THSD4: variants seen among roughly 807,000 people sequenced by gnomAD.
THSD4 encodes thrombospondin type 1 domain containing 4.
Under a neutral mutation model 119.0 loss-of-function variants are expected in THSD4, and 69 were observed. The observed-to-expected ratio is 0.58, with a 90% confidence interval of 0.48 to 0.71. THSD4 has a LOEUF of 0.71. THSD4 is among the 30% of genes least tolerant of loss of function. The pLI, the probability that THSD4 is intolerant of heterozygous loss-of-function variation, is 0.00. For missense variants in THSD4, 1,393 were observed against 1,391.1 expected (o/e 1.00, Z -0.02); for synonymous variants, 524 against 540.4 (o/e 0.97, Z 0.42).
chr15:71,568,213 G>C (rs745744216), intron 7 of THSD4, among the ~76,000 whole-genome samples: 3 of 152,096 alleles, frequency 2.0e-5, no homozygotes, highest in Non-Finnish European at 2.9e-5. Flanking sequence ...TGAAGGCCCT[G>C]ACTGCATGGG....
At chr15:71,223,129 G>T (rs1008777164) in intron 4 of THSD4, among the ~76,000 whole-genome samples, 1 of 152,094 alleles carries the variant, frequency 6.6e-6, no homozygotes, top group Middle Eastern at 3.2e-3. Flanking sequence ...GCATTTTATC[G>T]TGTCTTCATT....
chr15:71,742,907 C>T (rs939475975), intron 11 of THSD4, among the ~76,000 whole-genome samples: 1 of 152,030 alleles, frequency 6.6e-6, no homozygotes, highest in African/African-American at 2.4e-5. Flanking sequence ...ATACAAAAAT[C>T]AGCCAGGCGC....
chr15:71,726,602 A>T (rs900208961), intron 8 of THSD4, among the ~76,000 whole-genome samples: 1 of 152,200 alleles, frequency 6.6e-6, no homozygotes, highest in Non-Finnish European at 1.5e-5. Context: ...AGGTGCAAAG[A>T]GCCAGTGGCC....
intron 7 of THSD4, among the ~76,000 whole-genome samples, chr15:71,632,759 C>A (rs925654113): frequency 6.6e-6 from 1 of 152,182 alleles, no homozygotes; most frequent in Admixed American, 6.5e-5. Flanking sequence ...TGATTAACTT[C>A]TTTTCTGCAT....
chr15:71,511,219 G>C (rs2048279093), intron 7 of THSD4, among the ~76,000 whole-genome samples: 1 of 152,194 alleles, frequency 6.6e-6, no homozygotes, highest in South Asian at 2.1e-4. Context: ...TGTGGAACTG[G>C]TAACCAAGTT....
chr15:71,775,251 G>T (rs566777501), intron 17 of THSD4, among the ~76,000 whole-genome samples: 19 of 152,212 alleles, frequency 1.2e-4, no homozygotes, highest in Non-Finnish European at 8.8e-5. Context: ...CAAAAAAGAA[G>T]ATGGTAGATA....
At chr15:71,387,324 G>C (rs2046307092) in intron 6 of THSD4, among the ~76,000 whole-genome samples, 1 of 152,048 alleles carries the variant, frequency 6.6e-6, no homozygotes, top group Non-Finnish European at 1.5e-5. Flanking sequence ...GCTGTGATTT[G>C]GTGATTCTCT....
chr15:71,747,104 C>T lies in THSD4; in HGVS notation c.2241+62C>T, dbSNP rs1286651269. ...TCCAGCTCCCACCACACTTTCCAGC[C>T]TCCCCCACCAAGACCTGAGATGGGT... is the stretch of plus-strand genomic sequence containing the variant. On this transcript the variant is annotated intron_variant, in intron 13 of 17. Coordinates refer to ENST00000261862, the MANE Select transcript of THSD4 (RefSeq NM_024817.3). The T allele has an allele frequency of 3.3e-6, 5 of 1,522,028 alleles. No individual in the cohort carries two copies. The African/African-American group carries it at 4.1e-5, about 13-fold the overall frequency. 94.3% of individuals were successfully genotyped at this position (1,522,028 alleles called of 1,614,324 possible). A position where few individuals can be genotyped will look rare whatever the true frequency, so the allele number is the denominator to read the frequency against.
intron 7 of THSD4, among the ~76,000 whole-genome samples, chr15:71,650,409 A>G (rs953249275): frequency 2.0e-5 from 3 of 152,170 alleles, no homozygotes; most frequent in African/African-American, 7.2e-5. Flanking sequence ...GAAGCGGTGC[A>G]AGACTTCTAA....
intron 7 of THSD4, among the ~76,000 whole-genome samples, chr15:71,478,483 A>G (rs894834454): frequency 6.6e-6 from 1 of 152,246 alleles, no homozygotes; most frequent in Non-Finnish European, 1.5e-5. Flanking sequence ...GCAACTTTTT[A>G]TAGACAACCC....
intron 17 of THSD4, among the ~76,000 whole-genome samples, chr15:71,775,032 G>C (rs528160492): frequency 1.3e-5 from 2 of 152,134 alleles, no homozygotes; most frequent in East Asian, 3.9e-4. Context: ...TGTAGTCCCA[G>C]CTACTCAGGA....
chr15:71,266,940 C>T (rs1269593278), intron 6 of THSD4, among the ~76,000 whole-genome samples: 1 of 151,930 alleles, frequency 6.6e-6, no homozygotes, highest in Non-Finnish European at 1.5e-5. Context: ...ATGAACAAAG[C>T]CTCCAAGAAA....
chr15:71,260,875 T>A (rs1200630379), intron 6 of THSD4, among the ~76,000 whole-genome samples: 1 of 152,008 alleles, frequency 6.6e-6, no homozygotes, highest in Admixed American at 6.6e-5. Context: ...CTGAGGCAGG[T>A]TGATCACCTG....
chr15:71,521,598 C>T (rs1418194147), intron 7 of THSD4, among the ~76,000 whole-genome samples: 1 of 152,130 alleles, frequency 6.6e-6, no homozygotes, highest in African/African-American at 2.4e-5. Flanking sequence ...TGTGGAAGAG[C>T]CATGAACTTC....
At chr15:71,100,839 G>A (rs1036584568) in intron 1 of THSD4, among the ~76,000 whole-genome samples, 2 of 151,986 alleles carry the variant, frequency 1.3e-5, no homozygotes, top group Admixed American at 1.3e-4. Flanking sequence ...AAATAGCCAG[G>A]CATGGTGGCC....
chr15:71,117,491 C>T (rs1375690382), intron 1 of THSD4, among the ~76,000 whole-genome samples: 1 of 152,056 alleles, frequency 6.6e-6, no homozygotes, highest in Non-Finnish European at 1.5e-5. Flanking sequence ...TTAAATGTTC[C>T]CAACACTCCC....
At position 71,676,850 on chromosome 15, in the gene THSD4, T is replaced by G. The variant is rs112739175; in HGVS notation, c.1357+16116T>G. ...GCCACATTTTGTTTATCCATTCATC[T>G]GTTGATGGGCACCTGGGCTGTTTCT... On this transcript the variant is annotated intron_variant, in intron 8 of 17. Coordinates refer to ENST00000261862, the MANE Select transcript of THSD4 (RefSeq NM_024817.3). 6.8e-3 allele frequency among the ~76,000 whole-genome samples: 1,041 copies of G among 152,358 alleles called. 15 individuals are homozygous for G. The highest frequency in any genetic ancestry group is 0.024 in the African/African-American group (1,003 of 41,588).
At chr15:71,261,970 C>CTAAG (rs2044405146) in intron 6 of THSD4, among the ~76,000 whole-genome samples, 1 of 152,166 alleles carries the variant, frequency 6.6e-6, no homozygotes, top group South Asian at 2.1e-4. Context: ...TATCCTTCCT[C>CTAAG]CTCTTAAATG....
chr15:71,249,219 CAT>C (rs750593115), intron 5 of THSD4, among the ~76,000 whole-genome samples: 130 of 152,026 alleles, frequency 8.6e-4, no homozygotes, highest in South Asian at 1.9e-3. Flanking sequence ...GTATACATAA[CAT>C]GTGTGTGCAT....
Sources: gnomAD v4.1 joint callset for allele counts (sites outside exome capture counted in the v4.1 genomes callset) on GRCh38, gnomAD v4.1.1 for gene constraint, MANE v1.5 for transcripts, NCBI Gene and HGNC (gene_info 2026-07-23, HGNC 2026-07-21) for gene names.